The following FRG1 variants were observed in gnomAD, a reference collection of about 807,000 sequenced individuals.
FRG1 encodes FSHD region gene 1, also known as protein FRG1.
In FRG1, 19 loss-of-function variants were observed where a neutral mutation model predicts 37.0. The observed-to-expected ratio is 0.51, with a 90% CI of 0.36 to 0.75. FRG1 has a LOEUF of 0.75. Among genes scored for constraint, FRG1 ranks in the 30% least tolerant of loss-of-function variants. The probability of loss-of-function intolerance (pLI) is 0.00; values close to 1 mark genes in which losing one functional copy is unlikely to be tolerated. For missense variants in FRG1, 243 were observed against 301.4 expected (o/e 0.81, Z 1.44); for synonymous variants, 73 against 96.5 (o/e 0.76, Z 1.43).
chr4:189,951,278 G>A (rs113038629), intron 2 of FRG1, among the ~76,000 whole-genome samples: 1 of 151,824 alleles, frequency 6.6e-6, no homozygotes, highest in African/African-American at 2.4e-5. Flanking sequence ...TCACGAGGTC[G>A]GGAGTTTGAG....
intron 6 of FRG1, among the ~76,000 whole-genome samples, 173 bp downstream of exon 6, chr4:189,957,675 T>TA (rs1737044465): frequency 6.6e-6 from 1 of 152,186 alleles, no homozygotes; most frequent in African/African-American, 2.4e-5. Flanking sequence ...GTTGATGTCT[T>TA]GTTTATACAA....
At chr4:189,954,704 C>T (rs886203150) in intron 4 of FRG1, among the ~76,000 whole-genome samples, 5 of 151,652 alleles carry the variant, frequency 3.3e-5, no homozygotes, top group Admixed American at 6.6e-5. Flanking sequence ...AAGCAATCCT[C>T]CTGCGTCAGC....
At chr4:189,951,813 C>G (rs1736766068) in intron 2 of FRG1, among the ~76,000 whole-genome samples, 2 of 152,126 alleles carry the variant, frequency 1.3e-5, no homozygotes, top group African/African-American at 2.4e-5. Context: ...TACAGGCATG[C>G]ACCCCCATGC....
intron 1 of FRG1, among the ~76,000 whole-genome samples, chr4:189,942,388 C>T (rs1330051960): frequency 6.6e-6 from 1 of 152,154 alleles, no homozygotes; most frequent in African/African-American, 2.4e-5. Flanking sequence ...CCCATCCTCC[C>T]CCTCTCCTAG....
intron 2 of FRG1, among the ~76,000 whole-genome samples, chr4:189,945,833 A>G (rs1374251175): frequency 2.0e-5 from 3 of 151,622 alleles, no homozygotes; most frequent in Admixed American, 6.6e-5. Context: ...AGAGATGGGT[A>G]TGAGTTGTTC....
Position 189,941,402 on chromosome 4 carries a change from C to T in FRG1, c.62+331C>T, listed in dbSNP as rs144534144. ...CTGATCTCGTAGTTCATGATAATTT[C>T]CTTTATTAGGGATTATTATTTTCTC... On this transcript the variant is annotated intron_variant, in intron 1 of 8. Transcript: ENST00000226798. Among the ~76,000 whole-genome samples the T allele has an allele frequency of 4.3e-3, 653 of 152,284 alleles. 4 individuals are homozygous for T. Among genetic ancestry groups the T allele is most frequent in the African/African-American group, 0.015 (625 of 41,538 alleles).
intron 4 of FRG1, among the ~76,000 whole-genome samples, chr4:189,953,932 G>A (rs1350296581): frequency 2.8e-5 from 4 of 145,344 alleles, no homozygotes; most frequent in African/African-American, 1.0e-4. Flanking sequence ...GACAAATGAG[G>A]AAAATATTTG....
chr4:189,949,883 T>C (rs1356222921), intron 2 of FRG1, among the ~76,000 whole-genome samples: 1 of 152,194 alleles, frequency 6.6e-6, no homozygotes, highest in Non-Finnish European at 1.5e-5. Context: ...AGGTAAAATA[T>C]ACAGAATATA....
chr4:189,952,278 C>T lies in FRG1; in HGVS notation c.250C>T (p.His84Tyr), dbSNP rs1463574968. 1.2e-6 allele frequency: 2 copies of T among 1,610,714 alleles called. No homozygotes were observed. Among genetic ancestry groups the T allele is most frequent in the South Asian group, 1.1e-5 (1 of 90,848 alleles). ...TGGTCTTTTTACCCTGGGAGCTCCA[C>T]ACAAAGAAGGTTTGTGTCTGGAAGG... Reference protein sequence around the residue: ...DNGLFTLGAPHKEVDEGPSPP... With the variant: ...DNGLFTLGAPYKEVDEGPSPP... Residue 84 changes from histidine (H) to tyrosine (Y), a missense_variant, in exon 3 of 9, where the codon CAC (histidine) becomes TAC (tyrosine). Coordinates refer to ENST00000226798, the MANE Select transcript of FRG1 (RefSeq NM_004477.3).
intron 6 of FRG1, 96 bp from the exon 7 acceptor site, chr4:189,960,652 A>G (rs1039454783): frequency 1.8e-5 from 22 of 1,201,934 alleles, no homozygotes; most frequent in Admixed American, 5.9e-5. Context: ...TTTCTTCTGC[A>G]TAAGAAATCA....
chr4:189,954,398 TAAG>T (rs201701361), intron 4 of FRG1, among the ~76,000 whole-genome samples: 3,071 of 136,788 alleles, frequency 0.022, 100 homozygotes, highest in African/African-American at 0.069. Context: ...CTATTTATAA[TAAG>T]AGAAAAAGTA....
intron 8 of FRG1, 52 bp from the exon 9 acceptor site, chr4:189,963,041 T>C: frequency 2.4e-6 from 3 of 1,272,146 alleles, no homozygotes; most frequent in East Asian, 2.4e-5. Context: ...AGCAGTTGAA[T>C]ATATATGGCA....
At chr4:189,962,732 A>T (rs2126827810) in intron 8 of FRG1, among the ~76,000 whole-genome samples, 2 of 152,328 alleles carry the variant, frequency 1.3e-5, no homozygotes, top group African/African-American at 2.4e-5. Context: ...TATAATCAGG[A>T]TGTGGACTCT....
rs78571352 is a variant in FRG1, at chr4:189,948,704, T to C, written c.134-3458T>C. The stretch of plus-strand genomic sequence containing the variant: ...ATTGGGCCATTTTTTTGTTTTGTTT[T>C]TTTTGAGACAGGCTCTTGCTTTGTT... On this transcript the variant is annotated intron_variant, in intron 2 of 8. Coordinates refer to ENST00000226798, the MANE Select transcript of FRG1 (RefSeq NM_004477.3). Among the ~76,000 whole-genome samples, 1,053 of 152,366 alleles carry C rather than the reference T, an allele frequency of 6.9e-3. 14 individuals are homozygous for C. The highest frequency in any genetic ancestry group is 0.024 in the African/African-American group (1,013 of 41,580).
intron 4 of FRG1, among the ~76,000 whole-genome samples, chr4:189,954,629 C>G (rs1236394722): frequency 6.7e-6 from 1 of 148,362 alleles, no homozygotes; most frequent in Non-Finnish European, 1.5e-5. Context: ...GAGTCTCACT[C>G]TGTCACCCAG....
intron 7 of FRG1, chr4:189,961,617 AG>A (rs1474608970): frequency 1.1e-5 from 4 of 374,564 alleles, no homozygotes; most frequent in Non-Finnish European, 1.9e-5. Flanking sequence ...CATGTTGGCC[AG>A]GCTGTTCTCG....
rs1179619721 is a variant in FRG1 at position 189,942,512 on chromosome 4, T to C, written c.63-690T>C. ...CTGGCTCCTTTCACTTATAACATTA[T>C]TGAGGTTCATCATTGTTGTAGCGCC... On this transcript the variant is annotated intron_variant, in intron 1 of 8. Coordinates refer to ENST00000226798, the MANE Select transcript of FRG1 (RefSeq NM_004477.3). Among the ~76,000 whole-genome samples, 8 of 152,212 alleles carry C rather than the reference T, an allele frequency of 5.3e-5. No homozygotes were observed. In the East Asian group the frequency reaches 1.3e-3, roughly 26 times the overall value.
intron 8 of FRG1, among the ~76,000 whole-genome samples, chr4:189,962,454 CAG>C (rs893286638): frequency 2.0e-5 from 3 of 152,214 alleles, no homozygotes; most frequent in Admixed American, 6.5e-5. Flanking sequence ...CATAGAAAAA[CAG>C]AGACGTTTAG....
chr4:189,957,071 TTTAAAG>T (rs1354410012), intron 5 of FRG1, among the ~76,000 whole-genome samples: 1 of 152,212 alleles, frequency 6.6e-6, no homozygotes. Flanking sequence ...TGTTCTTGTC[TTTAAAG>T]TTAATTTTTC....
Sources: gnomAD v4.1 joint callset for allele counts (sites outside exome capture counted in the v4.1 genomes callset) on GRCh38, gnomAD v4.1.1 for gene constraint, MANE v1.5 for transcripts, NCBI Gene and HGNC (gene_info 2026-07-23, HGNC 2026-07-21) for gene names.